P2RX7: variants seen among roughly 807,000 people sequenced by gnomAD.
P2RX7 encodes purinergic receptor P2X 7, also known as P2X purinoceptor 7.
In P2RX7, 62 loss-of-function variants were observed where a neutral mutation model predicts 71.6. The observed-to-expected ratio is 0.87, with a 90% confidence interval of 0.71 to 1.07. The LOEUF is 1.07. Ranked by LOEUF, P2RX7 falls within the 50% of genes least tolerant of loss-of-function variation. P2RX7 has a pLI of 0.00. For synonymous variants in P2RX7, 299 were observed against 283.3 expected, an observed-to-expected ratio of 1.06 and a Z score of -0.56; for missense variants, 686 against 748.5, an observed-to-expected ratio of 0.92 and a Z score of 0.97.
intron 3 of P2RX7, 85 bp downstream of exon 3, chr12:121,156,232 T>G: frequency 9.0e-7 from 1 of 1,109,036 alleles, no homozygotes. Context: ...ATGCGGACCC[T>G]GGGGTGTATT....
chr12:121,156,311 G>A (rs1031953925), intron 3 of P2RX7, among the ~76,000 whole-genome samples, 164 bp downstream of exon 3: 1 of 152,144 alleles, frequency 6.6e-6, no homozygotes, highest in Non-Finnish European at 1.5e-5. Context: ...TGGAGGAAGG[G>A]AGAGAACACA....
intron 1 of P2RX7, among the ~76,000 whole-genome samples, chr12:121,138,972 A>T (rs1874272362): frequency 6.6e-6 from 1 of 152,026 alleles, no homozygotes; most frequent in Non-Finnish European, 1.5e-5. Context: ...ACAGGTTCTC[A>T]CTCTGGTTAC....
intron 1 of P2RX7, among the ~76,000 whole-genome samples, chr12:121,139,820 C>A (rs1874468322): frequency 6.6e-6 from 1 of 151,528 alleles, no homozygotes; most frequent in Admixed American, 6.6e-5. Context: ...TTGCAACCCC[C>A]ACCTCCTGGG....
intron 5 of P2RX7, among the ~76,000 whole-genome samples, chr12:121,164,948 C>A (rs1240417510): frequency 6.6e-6 from 1 of 152,152 alleles, no homozygotes; most frequent in East Asian, 1.9e-4. Context: ...CATGATGGAG[C>A]AGGAGGCGGG....
At chr12:121,145,690 T>G (rs1051376136) in intron 1 of P2RX7, among the ~76,000 whole-genome samples, 1 of 151,956 alleles carries the variant, frequency 6.6e-6, no homozygotes, top group Non-Finnish European at 1.5e-5. Flanking sequence ...GTATTTTTAG[T>G]AGAGACGGGG....
intron 9 of P2RX7, 125 bp downstream of exon 9, chr12:121,175,603 A>G (rs915760282): frequency 4.7e-6 from 3 of 635,986 alleles, no homozygotes; most frequent in African/African-American, 3.6e-5. Context: ...CATTTCGCAC[A>G]TGGGATAAAA....
intron 8 of P2RX7, among the ~76,000 whole-genome samples, chr12:121,173,001 G>A (rs1052806144): frequency 2.6e-5 from 4 of 152,146 alleles, no homozygotes; most frequent in Admixed American, 2.0e-4. Context: ...TTTATGAAGC[G>A]TTCATTTTAA....
intron 8 of P2RX7, 57 bp downstream of exon 8, chr12:121,167,681 T>A: frequency 7.0e-7 from 1 of 1,429,116 alleles, no homozygotes. Flanking sequence ...TCCCAGGAAC[T>A]GGTGAGACTA....
At chr12:121,152,143 C>A (rs1360416091) in intron 1 of P2RX7, among the ~76,000 whole-genome samples, 1 of 151,864 alleles carries the variant, frequency 6.6e-6, no homozygotes, top group Non-Finnish European at 1.5e-5. Flanking sequence ...CCACACCCGG[C>A]TAATTTTTTG....
intron 3 of P2RX7, among the ~76,000 whole-genome samples, chr12:121,159,592 A>C (rs1397003632): frequency 2.6e-5 from 4 of 152,186 alleles, no homozygotes; most frequent in Admixed American, 2.0e-4. Context: ...CAAATTGCAC[A>C]GATGACAAAG....
At chr12:121,176,280 TGAAAA>T (rs1385671497) in intron 9 of P2RX7, among the ~76,000 whole-genome samples, 3 of 133,116 alleles carry the variant, frequency 2.3e-5, no homozygotes, top group East Asian at 4.2e-4. Flanking sequence ...CTACATGGAC[TGAAAA>T]GAAAATTGGA....
At chr12:121,162,903 G>A (rs1880042549) in intron 5 of P2RX7, among the ~76,000 whole-genome samples, 1 of 151,978 alleles carries the variant, frequency 6.6e-6, no homozygotes, top group Non-Finnish European at 1.5e-5. Flanking sequence ...GAAGGAGGGA[G>A]ATGGAAGGGA....
rs1212881864 is a variant in P2RX7 at position 121,154,899 on chromosome 12, G to A, written c.240G>A (p.Val80=). The change falls in exon 2 of 13, where the codon GTG becomes GTA. Residue 80 remains valine, a synonymous_variant. Transcript: ENST00000328963. The surrounding 1 kb of genome is among the most constrained non-coding windows in gnomAD (Gnocchi z 4.2). Reference sequence around the variant, plus strand: ...AAGAGGAGATCGTGGAGAATGGAGTGAAGAAGTTGGTGCACAGTGTCTTTG... The same window carrying A: ...AAGAGGAGATCGTGGAGAATGGAGTAAAGAAGTTGGTGCACAGTGTCTTTG... ...EVKEEIVENG[V]KKLVHSVFDT... is the part of the protein sequence containing the mutation. The A allele has an allele frequency of 6.8e-6, 11 of 1,614,002 alleles. No individual in the cohort carries two copies.
chr12:121,162,538 A>G lies in P2RX7; in HGVS notation c.533+18A>G. The G allele has an allele frequency of 6.2e-7, 1 of 1,610,630 alleles. No individual in the cohort carries two copies. Among genetic ancestry groups the G allele is most frequent in the Non-Finnish European group, 8.5e-7 (1 of 1,179,814 alleles). On this transcript the variant is annotated intron_variant, in intron 5 of 12. Coordinates refer to ENST00000328963, the MANE Select transcript of P2RX7 (RefSeq NM_002562.6). ...GCCCCCCGGTGAGTCGCATGGGGAG[A>G]CAGACACAGTGGCCCTCAGCGGCGA...
Position 121,184,458 on chromosome 12 carries a change from T to C in P2RX7, c.1444T>C (p.Cys482Arg). 6.2e-7 allele frequency: 1 copy of C among 1,614,162 alleles called. No individual in the cohort carries two copies. Among genetic ancestry groups the C allele is most frequent in the Non-Finnish European group, 8.5e-7 (1 of 1,180,026 alleles). ...DSPVWCQCGS[C>R]LPSQLPESHR... is the part of the protein sequence containing the mutation. ...CCCCGTCTGGTGCCAGTGTGGAAGC[T>C]GCCTCCCATCTCAACTCCCTGAGAG... The change falls in exon 13 of 13, where the codon TGC (cysteine) becomes CGC (arginine). Residue 482 changes from cysteine to arginine, a missense_variant. Transcript: ENST00000328963.
At chr12:121,142,219 G>A (rs997237684) in intron 1 of P2RX7, among the ~76,000 whole-genome samples, 1 of 152,176 alleles carries the variant, frequency 6.6e-6, no homozygotes, top group Non-Finnish European at 1.5e-5. Context: ...GCGTCAGCAG[G>A]CTGAGTTCCT....
Position 121,149,061 on chromosome 12 carries a change from G to C in P2RX7, c.126-5724G>C, listed in dbSNP as rs770380574. ...AAGGGAGGTCCTCCCTGCAGAGCTTGAAGAGCAATCTAACCATGCTGGCAT... is the reference window on the plus strand; with the variant it reads ...AAGGGAGGTCCTCCCTGCAGAGCTTCAAGAGCAATCTAACCATGCTGGCAT... On this transcript the variant is annotated intron_variant, in intron 1 of 12. Transcript: ENST00000328963. This position sits in a 1 kb window ranked among gnomAD's most constrained non-coding sequence, Gnocchi z 4.7. 54 of 585,584 alleles carry C rather than the reference G, an allele frequency of 9.2e-5. No homozygotes were observed. The highest frequency in any genetic ancestry group is 4.2e-4 in the South Asian group (30 of 70,852). 36.3% of individuals were successfully genotyped at this position (585,584 alleles called of 1,614,324 possible). A position where few individuals can be genotyped will look rare whatever the true frequency, so the allele number is the denominator to read the frequency against.
chr12:121,178,358 GATA>G (rs1883511482), intron 11 of P2RX7, among the ~76,000 whole-genome samples: 1 of 152,138 alleles, frequency 6.6e-6, no homozygotes, highest in South Asian at 2.1e-4. Context: ...AAATGAGATA[GATA>G]ATAATAATGG....
At chr12:121,144,839 G>A (rs1263469291) in intron 1 of P2RX7, among the ~76,000 whole-genome samples, 1 of 152,162 alleles carries the variant, frequency 6.6e-6, no homozygotes, top group African/African-American at 2.4e-5. Context: ...AGAAGGAGAG[G>A]ATGAGTCAAA....
Sources: gnomAD v4.1 joint callset for allele counts (sites outside exome capture counted in the v4.1 genomes callset) on GRCh38, gnomAD v4.1.1 for gene constraint, Gnocchi (gnomAD v3.1) non-coding constraint, MANE v1.5 for transcripts, NCBI Gene and HGNC (gene_info 2026-07-23, HGNC 2026-07-21) for gene names.